CERCAM: variants seen among roughly 807,000 people sequenced by gnomAD.
CERCAM encodes the protein cerebral endothelial cell adhesion molecule.
CERCAM carries 59 observed loss-of-function variants against 66.0 expected under a neutral mutation model. The ratio of observed to expected loss-of-function variants is 0.89; its 90% CI spans 0.73 to 1.11. The LOEUF is 1.11. Ranked by LOEUF, CERCAM falls within the 50% of genes most tolerant of loss-of-function variation. The probability of loss-of-function intolerance (pLI) is 0.00; values close to 1 mark genes in which losing one functional copy is unlikely to be tolerated. For missense variants in CERCAM, 840 were observed against 828.3 expected (o/e 1.01, Z -0.17); for synonymous variants, 318 against 343.6 (o/e 0.93, Z 0.83).
upstream of CERCAM, chr9:128,420,238 G>C (rs374466948): frequency 6.6e-6 from 1 of 152,426 alleles, no homozygotes; most frequent in Non-Finnish European, 1.5e-5. This position sits in a 1 kb window ranked among gnomAD's most constrained non-coding sequence, Gnocchi z 5.0. Context: ...GACGCACAGG[G>C]GACTTAAGGA....
intron 5 of CERCAM, among the ~76,000 whole-genome samples, chr9:128,426,420 TGA>T (rs1419847405): frequency 6.6e-6 from 1 of 151,700 alleles, no homozygotes; most frequent in African/African-American, 2.4e-5. Context: ...GTCAAGAGAT[TGA>T]GACCATCTTA....
At chr9:128,430,016 C>T (rs1833939020) in intron 8 of CERCAM, among the ~76,000 whole-genome samples, 1 of 152,014 alleles carries the variant, frequency 6.6e-6, no homozygotes, top group African/African-American at 2.4e-5. Context: ...GTTGCCTAGG[C>T]TGGTCTTGAA....
intron 8 of CERCAM, among the ~76,000 whole-genome samples, chr9:128,430,398 T>C (rs56920361): frequency 0.31 from 47,473 of 151,768 alleles, 9,981 homozygotes; most frequent in African/African-American, 0.6. Flanking sequence ...AGTGAGACTC[T>C]GTCTCAAAAA....
chr9:128,428,487 T>C, intron 6 of CERCAM, 66 bp downstream of exon 6: 2 of 1,588,150 alleles, frequency 1.3e-6, no homozygotes, highest in Non-Finnish European at 8.6e-7. Context: ...CGGTGCCCCT[T>C]TCCCTAGGCC....
chr9:128,432,955 G>T (rs950445409), intron 9 of CERCAM, among the ~76,000 whole-genome samples: 9 of 151,770 alleles, frequency 5.9e-5, no homozygotes, highest in Non-Finnish European at 1.3e-4. Flanking sequence ...CCAACGTGGT[G>T]AAACCCCGTC....
upstream of CERCAM, chr9:128,420,223 G>C (rs926567526): frequency 6.6e-6 from 1 of 152,344 alleles, no homozygotes; most frequent in African/African-American, 2.4e-5. This position sits in a 1 kb window ranked among gnomAD's most constrained non-coding sequence, Gnocchi z 5.0. Flanking sequence ...CCGACGCAAG[G>C]AGGTGACGCA....
chr9:128,423,420 C>T (rs375503091), intron 3 of CERCAM, among the ~76,000 whole-genome samples, 157 bp downstream of exon 3: 97 of 152,216 alleles, frequency 6.4e-4, no homozygotes, highest in African/African-American at 2.0e-3. Context: ...AGTTCGAGAC[C>T]AGCCTGGCCA....
At chr9:128,431,725 C>T (rs1056906485) in intron 9 of CERCAM, 2 of 160,382 alleles carry the variant, frequency 1.2e-5, no homozygotes, top group South Asian at 1.8e-4. Flanking sequence ...ATTGAGGGGC[C>T]GGGAGAAGAG....
intron 1 of CERCAM, chr9:128,421,571 C>G: frequency 1.0e-6 from 1 of 967,020 alleles, no homozygotes; most frequent in Non-Finnish European, 1.2e-6. Context: ...CCGGCCCCCC[C>G]ACCGCCCCCG....
intron 12 of CERCAM, among the ~76,000 whole-genome samples, chr9:128,436,373 G>A (rs531224977): frequency 1.3e-5 from 2 of 152,166 alleles, no homozygotes; most frequent in Non-Finnish European, 2.9e-5. Context: ...TCAGCCTCCC[G>A]AGTAGTTGGG....
rs139357437 is a variant in CERCAM, at chr9:128,423,242, C to G, written c.405C>G (p.Asn135Lys). 3.1e-6 allele frequency: 5 copies of G among 1,614,004 alleles called. No homozygotes were observed. Among genetic ancestry groups the G allele is most frequent in the Non-Finnish European group, 4.2e-6 (5 of 1,179,942 alleles). Residue 135 changes from asparagine (N) to lysine (K), a missense_variant, in exon 3 of 13, where the codon AAC becomes AAG. Physicochemically the swap from Asn to Lys is moderately conservative, Grantham distance 94 (BLOSUM62 0). Coordinates refer to ENST00000372838, the MANE Select transcript of CERCAM (RefSeq NM_016174.5). ...AGGAAGCCCTCACCTTTGCCAGGAA[C>G]TGGGGGGCCGACTATATCCTGGTGA... is the stretch of plus-strand genomic sequence containing the variant. ...LKQEALTFAR[N>K]WGADYILFAD...
chr9:128,429,065 T>A, intron 8 of CERCAM, 29 bp downstream of exon 8: 1 of 1,514,976 alleles, frequency 6.6e-7, no homozygotes, highest in Non-Finnish European at 8.9e-7. Flanking sequence ...GGGGGCCCTG[T>A]GCGCTTGGGG....
chr9:128,435,804 A>G lies in CERCAM; in HGVS notation c.1687A>G (p.Ile563Val), dbSNP rs754132205. ...SPWDDDSGRL[I>V]SWSGSQKTLR... ...ATGGGATGATGACAGCGGCCGCCTCATCAGCTGGAGCGGCTCCCAAAAGAC... is the reference window on the plus strand; with the variant it reads ...ATGGGATGATGACAGCGGCCGCCTCGTCAGCTGGAGCGGCTCCCAAAAGAC... Residue 563 changes from isoleucine (I) to valine (V), a missense_variant, in exon 12 of 13, where the codon ATC becomes GTC. Physicochemically the swap from Ile to Val is conservative, Grantham distance 29. Transcript: ENST00000372838. The G allele has an allele frequency of 2.5e-6, 4 of 1,612,202 alleles. No homozygotes were observed. The highest frequency in any genetic ancestry group is 2.2e-5 in the South Asian group (2 of 90,796).
At chr9:128,423,109 T>C in intron 2 of CERCAM, 37 bp from the exon 3 acceptor site, 9 of 1,612,274 alleles carry the variant, frequency 5.6e-6, no homozygotes, top group Non-Finnish European at 7.6e-6. Flanking sequence ...GGGAGGGGCA[T>C]GTACCCCATG....
chr9:128,433,854 GGCACA>G (rs1034200929), intron 9 of CERCAM, among the ~76,000 whole-genome samples: 3 of 152,184 alleles, frequency 2.0e-5, no homozygotes, highest in African/African-American at 4.8e-5. Flanking sequence ...ACAGCCCTGG[GGCACA>G]GTAGCACTCA....
At position 128,420,943 on chromosome 9, in the gene CERCAM, T is replaced by C. The variant is rs1323260015; in HGVS notation, c.66T>C (p.Ala22=). Residue 22 remains alanine, a synonymous_variant, in exon 1 of 13, where the codon GCT becomes GCC. Coordinates refer to ENST00000372838, the MANE Select transcript of CERCAM (RefSeq NM_016174.5). The surrounding 1 kb of genome is among the most constrained non-coding windows in gnomAD (Gnocchi z 5.0). ...LLLLLGPWLE[A]AGVAESPLPA... is the part of the protein sequence containing the mutation. ...TCCTGCTGGGGCCGTGGCTGGAGGC[T>C]GCGGGCGTTGCGGAGTCGCCGCTGC... 7 of 1,458,068 alleles carry C rather than the reference T, an allele frequency of 4.8e-6. No homozygotes were observed. Among genetic ancestry groups the C allele is most frequent in the Non-Finnish European group, 6.3e-6 (7 of 1,107,576 alleles). The allele number at this position is 1,458,068 out of a possible 1,614,324, so 90.3% of individuals were successfully genotyped here. A position where few individuals can be genotyped will look rare whatever the true frequency, so the allele number is the denominator to read the frequency against.
At position 128,434,455 on chromosome 9, in the gene CERCAM, G is replaced by A; in HGVS notation, c.1377G>A (p.Val459=). 1 of 1,614,052 alleles carries A rather than the reference G, an allele frequency of 6.2e-7. No individual in the cohort carries two copies. Among genetic ancestry groups the A allele is most frequent in the Non-Finnish European group, 8.5e-7 (1 of 1,180,034 alleles). ...TGAACCCTGAGAAGGAGACGGCCGT[G>A]GAGGGGCTGCCGGGCCTGGTGGTGG... ...KQVNPEKETA[V]EGLPGLVVAG... The change falls in exon 11 of 13, where the codon GTG becomes GTA. Residue 459 remains valine, a synonymous_variant. Transcript: ENST00000372838. The surrounding 1 kb of genome is among the most constrained non-coding windows in gnomAD (Gnocchi z 4.5).
At chr9:128,435,974 C>T in intron 12 of CERCAM, 69 bp downstream of exon 12, 2 of 1,470,214 alleles carry the variant, frequency 1.4e-6, no homozygotes, top group Admixed American at 2.1e-5. Flanking sequence ...GATGGCATAA[C>T]TGTGTCTGGG....
Position 128,435,857 on chromosome 9 carries a change from T to C in CERCAM, c.1740T>C (p.Thr580=). 6.2e-7 allele frequency: 1 copy of C among 1,609,394 alleles called. No individual in the cohort carries two copies. The highest frequency in any genetic ancestry group is 8.5e-7 in the Non-Finnish European group (1 of 1,179,164). ...TGCGCAGCCCCCGCCTGGACCTGAC[T>C]GGCAGCAGCGGGCACAGCCTCCAAC... ...KTLRSPRLDL[T]GSSGHSLQPQ... The change falls in exon 12 of 13, where the codon ACT becomes ACC. Residue 580 remains threonine, a synonymous_variant. Transcript: ENST00000372838.
Sources: gnomAD v4.1 joint callset for allele counts (sites outside exome capture counted in the v4.1 genomes callset) on GRCh38, gnomAD v4.1.1 for gene constraint, Gnocchi (gnomAD v3.1) non-coding constraint, MANE v1.5 for transcripts, NCBI Gene and HGNC (gene_info 2026-07-23, HGNC 2026-07-21) for gene names.